Variants in SNX24 observed in about 807,000 individuals in gnomAD.
SNX24 encodes the protein sorting nexin-24.
Under a neutral mutation model 28.7 loss-of-function variants are expected in SNX24, and 22 were observed. The observed-to-expected ratio is 0.77, with a 90% CI of 0.55 to 1.10. The LOEUF is 1.10. Ranked by LOEUF, SNX24 falls within the 50% of genes least tolerant of loss-of-function variation. The probability of loss-of-function intolerance (pLI) is 0.00; values close to 1 mark genes in which losing one functional copy is unlikely to be tolerated. For synonymous variants in SNX24, 69 were observed against 71.5 expected (o/e 0.96, Z 0.18); for missense variants, 221 against 201.1 (o/e 1.10, Z -0.60).
intron 3 of SNX24, among the ~76,000 whole-genome samples, chr5:122,997,294 C>T (rs1199131078): frequency 6.6e-6 from 1 of 152,134 alleles, no homozygotes; most frequent in Non-Finnish European, 1.5e-5. Flanking sequence ...TCCCAAAGTA[C>T]ATATTGGTCA....
At chr5:122,854,256 C>G (rs1755066316) in intron 1 of SNX24, among the ~76,000 whole-genome samples, 1 of 152,090 alleles carries the variant, frequency 6.6e-6, no homozygotes. Context: ...CGCCTGTAGT[C>G]CCAGCACTTT....
intron 5 of SNX24, chr5:123,025,917 T>G: frequency 6.2e-7 from 1 of 1,611,900 alleles, no homozygotes; most frequent in Non-Finnish European, 8.5e-7. Context: ...AATGCCATAG[T>G]GCTTCAGCTT....
At chr5:122,866,455 G>A (rs1159477018) in intron 1 of SNX24, among the ~76,000 whole-genome samples, 4 of 152,066 alleles carry the variant, frequency 2.6e-5, no homozygotes, top group Non-Finnish European at 5.9e-5. Flanking sequence ...TGCCATAACT[G>A]GTATTTATAA....
At chr5:122,863,318 G>A (rs1755565426) in intron 1 of SNX24, among the ~76,000 whole-genome samples, 1 of 152,100 alleles carries the variant, frequency 6.6e-6, no homozygotes, top group Non-Finnish European at 1.5e-5. Flanking sequence ...GGAGCAGTAT[G>A]TGCAAAGGAC....
intron 5 of SNX24, among the ~76,000 whole-genome samples, chr5:123,016,052 A>C (rs1382657803): frequency 6.6e-6 from 1 of 152,236 alleles, no homozygotes; most frequent in African/African-American, 2.4e-5. Context: ...ACAGCAGGCA[A>C]CATGGTGTTT....
chr5:123,002,170 G>A (rs1423608371), intron 6 of SNX24, 166 bp downstream of exon 6: 4 of 617,326 alleles, frequency 6.5e-6, no homozygotes, highest in Admixed American at 2.6e-5. Flanking sequence ...TTTAATTGGG[G>A]CTGGCCTTTC....
intron 1 of SNX24, among the ~76,000 whole-genome samples, chr5:122,908,255 T>C (rs1757733779): frequency 1.3e-5 from 2 of 152,240 alleles, no homozygotes; most frequent in South Asian, 4.1e-4. Context: ...ATAAGCAGTT[T>C]TCTGTGGCCT....
intron 1 of SNX24, chr5:122,891,058 C>A (rs989167438): frequency 6.5e-7 from 1 of 1,527,458 alleles, no homozygotes; most frequent in Non-Finnish European, 8.8e-7. Flanking sequence ...GCCTTCCAGA[C>A]AAAAATGGAA....
At chr5:122,918,593 A>G (rs926977589) in intron 1 of SNX24, among the ~76,000 whole-genome samples, 9 of 152,152 alleles carry the variant, frequency 5.9e-5, no homozygotes, top group African/African-American at 2.2e-4. Flanking sequence ...AAAATATCTT[A>G]CTCTGTCCTG....
chr5:122,969,828 C>T lies in SNX24; in HGVS notation c.249+23669C>T, dbSNP rs1362612708. 3.3e-5 allele frequency among the ~76,000 whole-genome samples: 5 copies of T among 152,114 alleles called. No individual in the cohort carries two copies. In the South Asian group the frequency reaches 8.3e-4, roughly 25 times the overall value. On this transcript the variant is annotated intron_variant, in intron 3 of 6. Coordinates refer to ENST00000261369, the MANE Select transcript of SNX24 (RefSeq NM_014035.4). Reference sequence around the variant, plus strand: ...CATCCATTACCGAATTCAGCACCGTCGCACCCAGGGTGCTGCTTGTGGGCT... The same window carrying T: ...CATCCATTACCGAATTCAGCACCGTTGCACCCAGGGTGCTGCTTGTGGGCT...
intron 1 of SNX24, among the ~76,000 whole-genome samples, chr5:122,922,453 A>G (rs1329953716): frequency 1.3e-5 from 2 of 151,924 alleles, no homozygotes; most frequent in Non-Finnish European, 2.9e-5. Context: ...GGGTTTCACC[A>G]TGTTGGCCAC....
chr5:123,013,417 A>G (rs1762627588), downstream of SNX24, among the ~76,000 whole-genome samples: 1 of 152,088 alleles, frequency 6.6e-6, no homozygotes, highest in African/African-American at 2.4e-5. Flanking sequence ...TTTGGTTTTT[A>G]TTCTTGATGA....
intron 1 of SNX24, among the ~76,000 whole-genome samples, chr5:122,915,694 G>C (rs1758130393): frequency 6.6e-6 from 1 of 152,152 alleles, no homozygotes. Context: ...AAATCATTGA[G>C]TGGCTTCTCC....
chr5:123,017,398 T>A (rs977820675), intron 5 of SNX24, among the ~76,000 whole-genome samples: 2 of 151,688 alleles, frequency 1.3e-5, no homozygotes, highest in Non-Finnish European at 2.9e-5. Flanking sequence ...TGTCATGCCC[T>A]TCAAACCTCA....
intron 6 of SNX24, 89 bp from the exon 7 acceptor site, chr5:123,007,593 G>A (rs1351406358): frequency 3.4e-6 from 4 of 1,179,760 alleles, no homozygotes; most frequent in Non-Finnish European, 4.8e-6. Context: ...GCATTGCCTT[G>A]TTCCATTCTA....
intron 3 of SNX24, among the ~76,000 whole-genome samples, chr5:122,993,962 A>T (rs1208271544): frequency 6.6e-6 from 1 of 152,162 alleles, no homozygotes; most frequent in Non-Finnish European, 1.5e-5. Flanking sequence ...AAACCTCTTG[A>T]CTTAATTCAG....
At chr5:122,891,065 G>A (rs1365558938) in intron 1 of SNX24, 3 of 1,529,366 alleles carry the variant, frequency 2.0e-6, no homozygotes, top group African/African-American at 2.8e-5. Context: ...AGACAAAAAT[G>A]GAATCATATG....
At chr5:122,983,015 T>C (rs560645419) in intron 3 of SNX24, 269 of 152,248 alleles carry the variant, frequency 1.8e-3, no homozygotes, top group African/African-American at 6.3e-3. Context: ...CTTCTCCAAA[T>C]AGAATTTTGA....
Position 122,983,739 on chromosome 5 carries a change from G to A in SNX24, c.250-16173G>A, listed in dbSNP as rs147935944. 2.5e-4 allele frequency among the ~76,000 whole-genome samples: 38 copies of A among 151,784 alleles called. 1 individual carries two copies. The East Asian group carries it at 5.0e-3, about 20-fold the overall frequency. On this transcript the variant is annotated intron_variant, in intron 3 of 6. Coordinates refer to ENST00000261369, the MANE Select transcript of SNX24 (RefSeq NM_014035.4). ...CCGCCTTAGCTACCTGAGTAGGTGG[G>A]GACTACAGGCGTGTGCAACCATGCC...
Sources: gnomAD v4.1 joint callset for allele counts (sites outside exome capture counted in the v4.1 genomes callset) on GRCh38, gnomAD v4.1.1 for gene constraint, MANE v1.5 for transcripts, NCBI Gene and HGNC (gene_info 2026-07-23, HGNC 2026-07-21) for gene names.